The following APBA1 variants were observed in gnomAD, a reference collection of about 807,000 sequenced individuals.
The protein encoded by APBA1 is amyloid-beta A4 precursor protein-binding family A member 1.
Under a neutral mutation model 86.6 loss-of-function variants are expected in APBA1, and 55 were observed. That is an observed-to-expected ratio of 0.64 (90% CI 0.51 to 0.80). The LOEUF (loss-of-function observed/expected upper bound fraction) is 0.80, where lower values mean the gene tolerates loss of function less well. Among genes scored for constraint, APBA1 ranks in the 30% least tolerant of loss-of-function variants. APBA1 has a pLI of 0.00. For synonymous variants in APBA1, 511 were observed against 493.9 expected (o/e 1.03, Z -0.46); for missense variants, 1,090 against 1,183.0 (o/e 0.92, Z 1.15).
At chr9:69,452,401 G>C in intron 8 of APBA1, 100 bp from the exon 9 acceptor site, 1 of 1,210,890 alleles carries the variant, frequency 8.3e-7, no homozygotes. Context: ...CCTGGAGTCT[G>C]AGGAAACCCT....
At chr9:69,456,883 C>T (rs1835107123) in intron 7 of APBA1, among the ~76,000 whole-genome samples, 170 bp downstream of exon 7, 1 of 152,144 alleles carries the variant, frequency 6.6e-6, no homozygotes, top group Admixed American at 6.6e-5. Context: ...AGAAAGCAAT[C>T]CCAAACCCCA....
intron 5 of APBA1, chr9:69,462,286 T>C (rs1835203406): frequency 6.6e-6 from 1 of 152,122 alleles, no homozygotes. Flanking sequence ...GAAGTGGGAA[T>C]GAGAGTGGAA....
At chr9:69,511,811 A>G (rs1401268444) in intron 2 of APBA1, among the ~76,000 whole-genome samples, 2 of 152,052 alleles carry the variant, frequency 1.3e-5, no homozygotes, top group Non-Finnish European at 2.9e-5. Context: ...TTCTCAGTAA[A>G]CTATCGCAAG....
At chr9:69,578,220 C>T (rs1221968759) in intron 1 of APBA1, among the ~76,000 whole-genome samples, 3 of 152,220 alleles carry the variant, frequency 2.0e-5, no homozygotes, top group Non-Finnish European at 4.4e-5. Flanking sequence ...CTTTTCTGTG[C>T]TCACTGGGAA....
chr9:69,594,113 C>A (rs1272531070), intron 1 of APBA1, among the ~76,000 whole-genome samples: 1 of 152,154 alleles, frequency 6.6e-6, no homozygotes, highest in African/African-American at 2.4e-5. Context: ...GGCTCTGGGT[C>A]TTCCTGCTGG....
intron 1 of APBA1, among the ~76,000 whole-genome samples, chr9:69,661,004 G>A (rs997513687): frequency 9.2e-5 from 14 of 152,212 alleles, no homozygotes; most frequent in African/African-American, 2.9e-4. Context: ...CCTTGGAGCT[G>A]AGAATGTTTT....
Position 69,516,547 on chromosome 9 carries a change from C to T in APBA1, c.664G>A (p.Glu222Lys), listed in dbSNP as rs1836154245. 2 of 1,596,176 alleles carry T rather than the reference C, an allele frequency of 1.3e-6. No homozygotes were observed. The highest frequency in any genetic ancestry group is 4.5e-5 in the East Asian group (2 of 44,618). ...GCCTCCTGGCGGTACGCGGCCGCCTCGTCGCGCTCCTGCTCGTAGAGCCGC... is the reference window on the plus strand; with the variant it reads ...GCCTCCTGGCGGTACGCGGCCGCCTTGTCGCGCTCCTGCTCGTAGAGCCGC... Reference protein sequence around the residue: ...GLRLYEQERDEAAAYRQEALG... With the variant: ...GLRLYEQERDKAAAYRQEALG... The change falls in exon 2 of 13, where the codon GAG (glutamate) becomes AAG (lysine). Residue 222 changes from glutamate to lysine, a missense_variant. Transcript: ENST00000265381. The surrounding 1 kb of genome is among the most constrained non-coding windows in gnomAD (Gnocchi z 7.3).
rs570784201 is a variant in APBA1, at chr9:69,656,444, T to C, written c.-70+15709A>G. Among the ~76,000 whole-genome samples the C allele has an allele frequency of 2.6e-5, 4 of 152,314 alleles. No homozygotes were observed. The South Asian group carries it at 6.2e-4, about 24-fold the overall frequency. ...AATCATGAATTAATCTCTACAATAT[T>C]AAACAAGAAGTCAGATGCAAAAGGC... On this transcript the variant is annotated intron_variant, in intron 1 of 12. Transcript: ENST00000265381.
At chr9:69,587,543 A>G (rs1013665488) in intron 1 of APBA1, among the ~76,000 whole-genome samples, 1 of 152,150 alleles carries the variant, frequency 6.6e-6, no homozygotes, top group East Asian at 1.9e-4. Flanking sequence ...AGAAAATGAC[A>G]TTTCTCGGCA....
intron 1 of APBA1, among the ~76,000 whole-genome samples, chr9:69,546,955 C>T (rs761767271): frequency 5.3e-5 from 8 of 152,176 alleles, no homozygotes; most frequent in Non-Finnish European, 8.8e-5. Context: ...AAAAGTGTTA[C>T]GCATACATTT....
chr9:69,499,256 T>A (rs1287473442), intron 2 of APBA1, among the ~76,000 whole-genome samples: 2 of 152,116 alleles, frequency 1.3e-5, no homozygotes, highest in Non-Finnish European at 2.9e-5. Flanking sequence ...TGGGGCTAAC[T>A]ATCCTAGAAC....
rs1836173499 is a variant in APBA1, at chr9:69,517,053, C to T, written c.158G>A (p.Arg53His). ...GCGGAGGTCCTCGAGGGCTCGCCCG[C>T]GCTGGTGGCGGCCCACATAGTGCTG... ...QQQHYVGRHQ[R>H]GRALEDLRAQ... The change falls in exon 2 of 13, where the codon CGC (arginine) becomes CAC (histidine). Residue 53 changes from arginine (R) to histidine (H), a missense_variant. By Grantham distance (29) the Arg-to-His change is conservative. Transcript: ENST00000265381. The T allele has an allele frequency of 6.3e-7, 1 of 1,582,340 alleles. No individual in the cohort carries two copies. The highest frequency in any genetic ancestry group is 8.5e-7 in the Non-Finnish European group (1 of 1,170,606).
intron 1 of APBA1, among the ~76,000 whole-genome samples, chr9:69,573,297 C>T (rs1837146109): frequency 6.6e-6 from 1 of 151,002 alleles, no homozygotes; most frequent in Admixed American, 6.6e-5. Flanking sequence ...GCCTGGGCAA[C>T]AAGCTAATTT....
chr9:69,599,126 A>C (rs1374510812), intron 1 of APBA1, among the ~76,000 whole-genome samples: 2 of 152,340 alleles, frequency 1.3e-5, no homozygotes, highest in African/African-American at 4.8e-5. Context: ...CAAGATGAAG[A>C]GCTCTAAGGT....
intron 9 of APBA1, among the ~76,000 whole-genome samples, chr9:69,451,754 T>C (rs930392652): frequency 2.0e-5 from 3 of 152,184 alleles, no homozygotes; most frequent in Non-Finnish European, 4.4e-5. Context: ...TGTCCAAGTG[T>C]AGTTGGTTTT....
chr9:69,577,821 A>G (rs1821833233), intron 1 of APBA1, among the ~76,000 whole-genome samples: 1 of 152,186 alleles, frequency 6.6e-6, no homozygotes, highest in South Asian at 2.1e-4. Context: ...TTTAGATGAT[A>G]AAAACAAGGC....
chr9:69,588,190 C>T (rs762008924), intron 1 of APBA1, among the ~76,000 whole-genome samples: 3 of 151,942 alleles, frequency 2.0e-5, no homozygotes, highest in Admixed American at 6.6e-5. Flanking sequence ...AAAGAAAGAA[C>T]GTTCCCATTA....
At chr9:69,574,425 A>C (rs905669853) in intron 1 of APBA1, among the ~76,000 whole-genome samples, 7 of 152,148 alleles carry the variant, frequency 4.6e-5, no homozygotes, top group African/African-American at 1.7e-4. Flanking sequence ...CCAGGCTGAA[A>C]ATTTTGGTCA....
At chr9:69,650,412 T>C (rs1823475877) in intron 1 of APBA1, among the ~76,000 whole-genome samples, 1 of 152,252 alleles carries the variant, frequency 6.6e-6, no homozygotes, top group Non-Finnish European at 1.5e-5. Flanking sequence ...TTGGTTAGAA[T>C]GGAACTCAAT....
Sources: gnomAD v4.1 joint callset for allele counts (sites outside exome capture counted in the v4.1 genomes callset) on GRCh38, gnomAD v4.1.1 for gene constraint, Gnocchi (gnomAD v3.1) non-coding constraint, MANE v1.5 for transcripts, NCBI Gene and HGNC (gene_info 2026-07-23, HGNC 2026-07-21) for gene names.